Variants in DYNC1I1 observed in about 807,000 individuals in gnomAD.
DYNC1I1 encodes cytoplasmic dynein 1 intermediate chain 1.
Under a neutral mutation model 86.6 loss-of-function variants are expected in DYNC1I1, and 43 were observed. The ratio of observed to expected loss-of-function variants is 0.50; its 90% CI spans 0.39 to 0.64. DYNC1I1 has a LOEUF of 0.64. Among genes scored for constraint, DYNC1I1 ranks in the 30% least tolerant of loss-of-function variants. DYNC1I1 has a pLI of 0.00. For missense variants in DYNC1I1, 604 were observed against 788.8 expected (o/e 0.77, Z 2.81); for synonymous variants, 262 against 283.7 (o/e 0.92, Z 0.77).
chr7:96,104,213 T>C (rs1365430022), intron 16 of DYNC1I1, among the ~76,000 whole-genome samples: 1 of 152,140 alleles, frequency 6.6e-6, no homozygotes, highest in Non-Finnish European at 1.5e-5. Context: ...GTTTTCTTTA[T>C]ATATTCTGCT....
intron 4 of DYNC1I1, among the ~76,000 whole-genome samples, chr7:95,821,712 C>T (rs555898792): frequency 3.3e-5 from 5 of 151,952 alleles, no homozygotes; most frequent in South Asian, 4.2e-4. Flanking sequence ...TTATTATTGA[C>T]GCTGTTTTAT....
At chr7:95,991,163 C>G (rs1422604324) in intron 9 of DYNC1I1, among the ~76,000 whole-genome samples, 1 of 152,160 alleles carries the variant, frequency 6.6e-6, no homozygotes, top group Non-Finnish European at 1.5e-5. Flanking sequence ...TCATTAGTTG[C>G]AAAGTGTGAC....
intron 6 of DYNC1I1, among the ~76,000 whole-genome samples, chr7:95,935,767 C>G (rs1792023337): frequency 6.6e-6 from 1 of 151,914 alleles, no homozygotes; most frequent in Non-Finnish European, 1.5e-5. Flanking sequence ...TTTAAAAAAA[C>G]TAATACCCTG....
At chr7:95,974,888 C>G (rs1281298213) in intron 6 of DYNC1I1, among the ~76,000 whole-genome samples, 1 of 152,160 alleles carries the variant, frequency 6.6e-6, no homozygotes. Flanking sequence ...GCCTCCTTAC[C>G]TTGCAATAGA....
chr7:95,825,796 G>C (rs888324411), intron 4 of DYNC1I1, among the ~76,000 whole-genome samples: 1 of 152,170 alleles, frequency 6.6e-6, no homozygotes, highest in African/African-American at 2.4e-5. Flanking sequence ...GATGCTTTCT[G>C]CATGCTGACT....
At chr7:95,787,149 A>G (rs1794169998) in intron 1 of DYNC1I1, among the ~76,000 whole-genome samples, 1 of 152,200 alleles carries the variant, frequency 6.6e-6, no homozygotes, top group African/African-American at 2.4e-5. Context: ...TTAGGTCCCC[A>G]ACATAAAATG....
At chr7:96,077,239 TTGTGTGTGTGTG>T (rs3047672) in intron 15 of DYNC1I1, among the ~76,000 whole-genome samples, 9 of 144,430 alleles carry the variant, frequency 6.2e-5, no homozygotes, top group African/African-American at 1.6e-4. Context: ...TCCCTAGTAT[TTGTGTGTGTGTG>T]TGTGTGTGTG....
chr7:95,787,219 T>C (rs748382175), intron 1 of DYNC1I1, among the ~76,000 whole-genome samples: 3 of 152,214 alleles, frequency 2.0e-5, no homozygotes, highest in Non-Finnish European at 4.4e-5. Context: ...GTGCCCTTGC[T>C]TATAGGTCAG....
downstream of DYNC1I1, among the ~76,000 whole-genome samples, chr7:96,099,998 G>A (rs1791103474): frequency 6.6e-6 from 1 of 152,134 alleles, no homozygotes; most frequent in South Asian, 2.1e-4. Flanking sequence ...AGCCATTTAA[G>A]TCACCCCAGC....
intron 12 of DYNC1I1, 60 bp from the exon 13 acceptor site, chr7:96,035,559 C>T (rs1156331799): frequency 6.6e-7 from 1 of 1,505,028 alleles, no homozygotes; most frequent in African/African-American, 1.4e-5. Flanking sequence ...TTTTTCCGTG[C>T]TATCTTTGGC....
chr7:95,942,128 G>A (rs536032680), intron 6 of DYNC1I1, among the ~76,000 whole-genome samples: 17 of 152,154 alleles, frequency 1.1e-4, no homozygotes, highest in African/African-American at 3.9e-4. Context: ...CCGCTAGCAA[G>A]ACTAATAAAG....
chr7:95,885,475 C>T (rs1427137587), intron 6 of DYNC1I1, among the ~76,000 whole-genome samples: 2 of 151,848 alleles, frequency 1.3e-5, no homozygotes, highest in Non-Finnish European at 2.9e-5. Flanking sequence ...CCATGCCCTG[C>T]CCTTCATTTT....
intron 5 of DYNC1I1, among the ~76,000 whole-genome samples, chr7:95,846,451 A>G (rs893980153): frequency 6.6e-5 from 10 of 152,220 alleles, no homozygotes; most frequent in African/African-American, 2.4e-4. Flanking sequence ...CTGCACAGTA[A>G]GAAGCAAATA....
At chr7:96,062,875 C>T (rs73399062) in intron 14 of DYNC1I1, among the ~76,000 whole-genome samples, 1,676 of 152,236 alleles carry the variant, frequency 0.011, 34 homozygotes, top group African/African-American at 0.038. Flanking sequence ...GTCTTCAAGG[C>T]AGAACTGACT....
chr7:95,853,866 C>T (rs1789645938), intron 5 of DYNC1I1, among the ~76,000 whole-genome samples: 1 of 152,130 alleles, frequency 6.6e-6, no homozygotes, highest in Non-Finnish European at 1.5e-5. Flanking sequence ...ATGGATATAA[C>T]AACTGTGGAA....
At chr7:95,782,732 C>G (rs976411789) in intron 1 of DYNC1I1, among the ~76,000 whole-genome samples, 2 of 152,126 alleles carry the variant, frequency 1.3e-5, no homozygotes, top group Admixed American at 6.6e-5. Context: ...TCAGGTCACA[C>G]ATGGACTTGA....
intron 6 of DYNC1I1, among the ~76,000 whole-genome samples, chr7:95,922,620 A>G (rs1447719074): frequency 6.6e-6 from 1 of 152,080 alleles, no homozygotes; most frequent in Non-Finnish European, 1.5e-5. Context: ...GCTGGGACAT[A>G]TGTAGCTGAT....
At chr7:95,954,327 A>G (rs1486030597) in intron 6 of DYNC1I1, among the ~76,000 whole-genome samples, 1 of 151,364 alleles carries the variant, frequency 6.6e-6, no homozygotes, top group Non-Finnish European at 1.5e-5. Context: ...GTCAAATAAA[A>G]TTTCAAACCC....
At chr7:96,031,048 G>A (rs1162132822) in intron 11 of DYNC1I1, among the ~76,000 whole-genome samples, 5 of 152,146 alleles carry the variant, frequency 3.3e-5, no homozygotes, top group Non-Finnish European at 7.4e-5. Context: ...CAGCACGGGG[G>A]AAAGAGGTGA....
Sources: allele counts gnomAD v4.1 joint callset (sites outside exome capture counted in the v4.1 genomes callset), GRCh38; gene constraint gnomAD v4.1.1; transcripts MANE v1.5; gene names NCBI Gene and HGNC (gene_info 2026-07-23, HGNC 2026-07-21).